The following DENND5B variants were observed in gnomAD, a reference collection of about 807,000 sequenced individuals.
The protein encoded by DENND5B is DENN domain-containing protein 5B.
Under a neutral mutation model 140.6 loss-of-function variants are expected in DENND5B, and 34 were observed. That is an observed-to-expected ratio of 0.24 (90% CI 0.18 to 0.32). The LOEUF is 0.32. Ranked by LOEUF, DENND5B falls within the 10% of genes least tolerant of loss-of-function variation. The pLI is 1.00. For missense variants in DENND5B, 1,142 were observed against 1,560.2 expected (o/e 0.73, Z 4.52); for synonymous variants, 551 against 562.1 (o/e 0.98, Z 0.28).
chr12:31,550,038 G>A (rs1948988611), intron 1 of DENND5B, among the ~76,000 whole-genome samples: 1 of 151,608 alleles, frequency 6.6e-6, no homozygotes, highest in Non-Finnish European at 1.5e-5. Context: ...AATCATAAAA[G>A]GCCATTCTTT....
At chr12:31,458,328 T>C (rs940715608) in intron 4 of DENND5B, among the ~76,000 whole-genome samples, 1 of 152,224 alleles carries the variant, frequency 6.6e-6, no homozygotes, top group Non-Finnish European at 1.5e-5. Context: ...TGGATTAACA[T>C]ACAAAATAGA....
chr12:31,528,212 G>A (rs965245464), intron 1 of DENND5B, among the ~76,000 whole-genome samples: 4 of 152,162 alleles, frequency 2.6e-5, no homozygotes, highest in South Asian at 2.1e-4. Flanking sequence ...CCCTCCAGAC[G>A]GTCTAGGGGA....
chr12:31,478,219 T>C (rs1945909797), intron 3 of DENND5B, among the ~76,000 whole-genome samples: 1 of 152,254 alleles, frequency 6.6e-6, no homozygotes. Context: ...AAATACAACC[T>C]TGTGAACGGC....
intron 7 of DENND5B, among the ~76,000 whole-genome samples, chr12:31,436,816 TGA>T (rs1350418587): frequency 6.6e-6 from 1 of 152,052 alleles, no homozygotes; most frequent in Non-Finnish European, 1.5e-5. Context: ...ATTACAGACG[TGA>T]GTCACTGCGC....
Position 31,575,569 on chromosome 12 carries a change from C to T in DENND5B, c.127+15137G>A, listed in dbSNP as rs185927870. On this transcript the variant is annotated intron_variant, in intron 1 of 20. Transcript: ENST00000389082. ...TAGACTAGCAGATTGTCCCTGTTTT[C>T]TCAAAGGACCACAAGAGAAGGAAGA... 1.6e-4 allele frequency among the ~76,000 whole-genome samples: 24 copies of T among 152,252 alleles called. No homozygotes were observed. In the East Asian group the frequency reaches 2.9e-3, roughly 18 times the overall value.
chr12:31,557,397 A>G (rs1175114152), intron 1 of DENND5B, among the ~76,000 whole-genome samples: 2 of 151,876 alleles, frequency 1.3e-5, no homozygotes, highest in Non-Finnish European at 2.9e-5. Context: ...TTTTTCTTTT[A>G]AGACAGGGTC....
chr12:31,471,114 G>T (rs1945536158), intron 3 of DENND5B, among the ~76,000 whole-genome samples: 1 of 152,190 alleles, frequency 6.6e-6, no homozygotes, highest in African/African-American at 2.4e-5. Context: ...CTTGATGCTG[G>T]ACCAAGCTCA....
intron 1 of DENND5B, among the ~76,000 whole-genome samples, chr12:31,556,205 C>G (rs4594082): frequency 8.5e-5 from 13 of 152,136 alleles, no homozygotes; most frequent in Non-Finnish European, 1.3e-4. Context: ...GCTCCTCCCC[C>G]CTTTTTTTTC....
At chr12:31,423,724 AAAT>A (rs1415848590) in intron 10 of DENND5B, 49 bp from the exon 11 acceptor site, 1 of 1,568,842 alleles carries the variant, frequency 6.4e-7, no homozygotes, top group Non-Finnish European at 8.8e-7. Context: ...ATTCATCAAA[AAAT>A]AATTTCTCAT....
intron 4 of DENND5B, among the ~76,000 whole-genome samples, chr12:31,457,453 T>C (rs1231291198): frequency 6.6e-6 from 1 of 152,254 alleles, no homozygotes; most frequent in Non-Finnish European, 1.5e-5. Flanking sequence ...TGTAACTATG[T>C]TTAGAAGTCT....
At chr12:31,559,370 G>A (rs1384397769) in intron 1 of DENND5B, among the ~76,000 whole-genome samples, 1 of 152,258 alleles carries the variant, frequency 6.6e-6, no homozygotes, top group African/African-American at 2.4e-5. Flanking sequence ...CTAATTCAAA[G>A]TATTGGCAAG....
At chr12:31,549,623 G>A (rs1262449724) in intron 1 of DENND5B, among the ~76,000 whole-genome samples, 2 of 151,872 alleles carry the variant, frequency 1.3e-5, no homozygotes, top group East Asian at 3.9e-4. Context: ...ATGGTGGTTT[G>A]CTGCACCTAT....
At chr12:31,392,468 T>C (rs1343570042) in intron 18 of DENND5B, 75 bp from the exon 19 acceptor site, 2 of 1,585,490 alleles carry the variant, frequency 1.3e-6, no homozygotes, top group East Asian at 2.2e-5. Flanking sequence ...GAGAAGCAAG[T>C]GCTGAAGGTA....
intron 4 of DENND5B, among the ~76,000 whole-genome samples, chr12:31,456,826 T>C (rs1464768403): frequency 6.6e-6 from 1 of 152,184 alleles, no homozygotes; most frequent in Non-Finnish European, 1.5e-5. Context: ...TGGATGATGC[T>C]GGTAATCTTT....
intron 8 of DENND5B, among the ~76,000 whole-genome samples, chr12:31,430,286 G>A (rs1015884254): frequency 2.0e-5 from 3 of 148,288 alleles, no homozygotes; most frequent in Non-Finnish European, 4.4e-5. Context: ...TCCTCCCAAA[G>A]TGCTGGGATT....
intron 3 of DENND5B, among the ~76,000 whole-genome samples, chr12:31,461,476 T>A (rs1945017303): frequency 6.6e-6 from 1 of 152,232 alleles, no homozygotes; most frequent in Non-Finnish European, 1.5e-5. Context: ...TGCTTTATAC[T>A]TACATATGTC....
intron 1 of DENND5B, among the ~76,000 whole-genome samples, chr12:31,553,592 A>G (rs1455376834): frequency 1.3e-5 from 2 of 152,152 alleles, no homozygotes; most frequent in Non-Finnish European, 2.9e-5. Flanking sequence ...CTTGGTGCAG[A>G]GCTGAGTTCA....
At chr12:31,399,226 GA>G (rs1275731461) in intron 16 of DENND5B, among the ~76,000 whole-genome samples, 9 of 139,034 alleles carry the variant, frequency 6.5e-5, no homozygotes, top group African/African-American at 1.1e-4. Flanking sequence ...CCCTCACCTG[GA>G]AAAAAAAACC....
At chr12:31,443,961 G>C (rs951214741) in intron 6 of DENND5B, 3 of 152,212 alleles carry the variant, frequency 2.0e-5, no homozygotes, top group African/African-American at 7.2e-5. Flanking sequence ...ACCACTAAGA[G>C]TCAGGGATGT....
Sources: gnomAD v4.1 joint callset for allele counts (sites outside exome capture counted in the v4.1 genomes callset) on GRCh38, gnomAD v4.1.1 for gene constraint, MANE v1.5 for transcripts, NCBI Gene and HGNC (gene_info 2026-07-23, HGNC 2026-07-21) for gene names.